OSCP1: variants seen among roughly 807,000 people sequenced by gnomAD.
The protein encoded by OSCP1 is protein OSCP1.
In OSCP1, 35 loss-of-function variants were observed where a neutral mutation model predicts 45.1. That is an observed-to-expected ratio of 0.78 (90% CI 0.59 to 1.03). The LOEUF (loss-of-function observed/expected upper bound fraction) is 1.03. Among genes scored for constraint, OSCP1 ranks in the 50% least tolerant of loss-of-function variants. The probability of loss-of-function intolerance (pLI) is 0.00; values close to 1 mark genes in which losing one functional copy is unlikely to be tolerated. For synonymous variants in OSCP1, 179 were observed against 180.1 expected, an observed-to-expected ratio of 0.99 and a Z score of 0.05; for missense variants, 400 against 470.7, an observed-to-expected ratio of 0.85 and a Z score of 1.39.
intron 4 of OSCP1, among the ~76,000 whole-genome samples, chr1:36,430,048 C>T (rs770395725): frequency 2.0e-5 from 3 of 152,146 alleles, no homozygotes; most frequent in East Asian, 1.9e-4. Flanking sequence ...CCACCCGCCT[C>T]GGCCTCCCAA....
At position 36,438,806 on chromosome 1, in the gene OSCP1, G is replaced by C; in HGVS notation, c.217C>G (p.Arg73Gly). The C allele has an allele frequency of 6.2e-7, 1 of 1,613,986 alleles. No homozygotes were observed. Among genetic ancestry groups the C allele is most frequent in the Non-Finnish European group, 8.5e-7 (1 of 1,179,950 alleles). ...SKKALRTVYE[R>G]LAHASIMKLN... ...TTCATAATGGAGGCATGAGCCAGGC[G>C]CTCATAGACAGTCCTCAGGGCCTTC... Residue 73 changes from arginine (R) to glycine (G), a missense_variant, in exon 2 of 10, where the codon CGC (arginine) becomes GGC (glycine). Transcript: ENST00000235532.
chr1:36,448,256 C>T (rs979672043), intron 1 of OSCP1, among the ~76,000 whole-genome samples: 1 of 152,186 alleles, frequency 6.6e-6, no homozygotes, highest in African/African-American at 2.4e-5. Context: ...CTAATTTACA[C>T]TATCTTCCAA....
At chr1:36,421,343 C>G (rs1412416460) in intron 7 of OSCP1, among the ~76,000 whole-genome samples, 1 of 152,184 alleles carries the variant, frequency 6.6e-6, no homozygotes. Context: ...CGGGAACACT[C>G]TTGCCCCTCT....
chr1:36,440,999 C>T (rs567200835), intron 1 of OSCP1: 2 of 152,252 alleles, frequency 1.3e-5, no homozygotes, highest in East Asian at 1.9e-4. Context: ...CAGTTCTGGA[C>T]GAAAGAATAC....
At chr1:36,445,633 G>T (rs1411294970) in intron 1 of OSCP1, among the ~76,000 whole-genome samples, 1 of 152,226 alleles carries the variant, frequency 6.6e-6, no homozygotes, top group African/African-American at 2.4e-5. Context: ...AAAATATTGG[G>T]AAAGCAGCAC....
chr1:36,444,150 T>G lies in OSCP1; in HGVS notation c.113-5240A>C, dbSNP rs1570549392. The G allele has an allele frequency of 6.0e-6, 7 of 1,168,348 alleles. 1 individual carries two copies. Among genetic ancestry groups the G allele is most frequent in the Non-Finnish European group, 8.9e-6 (7 of 790,366 alleles). The allele number at this position is 1,168,348 out of a possible 1,614,324, so 72.4% of individuals were successfully genotyped here. On this transcript the variant is annotated intron_variant, in intron 1 of 9. Transcript: ENST00000235532. ...ATCTATGAAACTTTACTTTTCACGT[T>G]GGCATTTAATGTCTAATGTGAGCAC...
At chr1:36,429,960 G>A (rs1429146671) in intron 4 of OSCP1, among the ~76,000 whole-genome samples, 1 of 151,868 alleles carries the variant, frequency 6.6e-6, no homozygotes, top group Non-Finnish European at 1.5e-5. Flanking sequence ...AAAGGCGCCT[G>A]GCTAATTTTT....
intron 1 of OSCP1, chr1:36,441,059 C>G (rs1020182005): frequency 4.6e-5 from 7 of 152,242 alleles, no homozygotes; most frequent in African/African-American, 1.7e-4. Flanking sequence ...AAAATGAAGT[C>G]TTTCCCCGTG....
At chr1:36,433,726 T>TA (rs1202521759) in intron 2 of OSCP1, among the ~76,000 whole-genome samples, 1 of 152,038 alleles carries the variant, frequency 6.6e-6, no homozygotes, top group East Asian at 1.9e-4. Context: ...TAGTAGAAGT[T>TA]AGGGGGTTAA....
chr1:36,431,798 T>G lies in OSCP1; in HGVS notation c.516+4A>C, dbSNP rs1380921160. On this transcript the variant is annotated splice_donor_region_variant and intron_variant, in intron 4 of 9. Coordinates refer to ENST00000235532, the MANE Select transcript of OSCP1 (RefSeq NM_145047.5). ...AGTGTTCCCAGGGCTGCCTATTGAC[T>G]TACTCGGATGTGCAGGTCTTGGAAG... 5 of 1,613,334 alleles carry G rather than the reference T, an allele frequency of 3.1e-6. No homozygotes were observed. The highest frequency in any genetic ancestry group is 4.2e-6 in the Non-Finnish European group (5 of 1,179,834).
At chr1:36,431,251 G>C (rs575491519) in intron 4 of OSCP1, among the ~76,000 whole-genome samples, 2 of 152,192 alleles carry the variant, frequency 1.3e-5, no homozygotes, top group South Asian at 4.1e-4. Flanking sequence ...CAGAGGAGTT[G>C]GTAGACAAAA....
chr1:36,445,169 G>A (rs149773675), intron 1 of OSCP1, among the ~76,000 whole-genome samples: 220 of 152,298 alleles, frequency 1.4e-3, no homozygotes, highest in African/African-American at 4.8e-3. Context: ...GGCCAACATG[G>A]TGAAACCTCA....
intron 1 of OSCP1, among the ~76,000 whole-genome samples, chr1:36,445,572 CTG>C (rs1383971958): frequency 6.6e-6 from 1 of 152,228 alleles, no homozygotes; most frequent in Non-Finnish European, 1.5e-5. Context: ...TCACACTCCT[CTG>C]GGAAAATTCA....
chr1:36,433,802 G>A (rs75894748), intron 2 of OSCP1, among the ~76,000 whole-genome samples: 15,561 of 152,218 alleles, frequency 0.1, 945 homozygotes, highest in East Asian at 0.29. Flanking sequence ...AGCTGTGACA[G>A]AAGGGAGAGA....
intron 2 of OSCP1, 65 bp downstream of exon 2, chr1:36,438,691 T>C: frequency 6.5e-7 from 1 of 1,536,444 alleles, no homozygotes; most frequent in Non-Finnish European, 8.8e-7. Flanking sequence ...GTGACCCCAG[T>C]CTATGATCAT....
chr1:36,430,595 C>A (rs1390783868), intron 4 of OSCP1, among the ~76,000 whole-genome samples: 1 of 151,950 alleles, frequency 6.6e-6, no homozygotes, highest in Non-Finnish European at 1.5e-5. Context: ...CATAGTAAGA[C>A]ACTGCCTCAA....
At chr1:36,428,051 G>A (rs902170742) in intron 4 of OSCP1, among the ~76,000 whole-genome samples, 1 of 152,006 alleles carries the variant, frequency 6.6e-6, no homozygotes, top group Non-Finnish European at 1.5e-5. Flanking sequence ...TTAGCTGGAT[G>A]TGGCGGTGTG....
chr1:36,439,838 GTC>G (rs1427242963), intron 1 of OSCP1, among the ~76,000 whole-genome samples: 4 of 152,176 alleles, frequency 2.6e-5, no homozygotes, highest in African/African-American at 9.7e-5. Context: ...AAACTAAAGT[GTC>G]TATAGTTTTA....
Position 36,432,660 on chromosome 1 carries a change from A to G in OSCP1, c.268-71T>C, listed in dbSNP as rs1648451390. 13 of 1,591,022 alleles carry G rather than the reference A, an allele frequency of 8.2e-6. No homozygotes were observed. In the South Asian group the frequency reaches 1.1e-4, roughly 14 times the overall value. On this transcript the variant is annotated intron_variant, in intron 2 of 9. Coordinates refer to ENST00000235532, the MANE Select transcript of OSCP1 (RefSeq NM_145047.5). ...CAGGTGTGAGAATCTCCAAACAGTG[A>G]TTCAGTCAAGCATTTACTGAAAACC...
Sources: allele counts gnomAD v4.1 joint callset (sites outside exome capture counted in the v4.1 genomes callset), GRCh38; gene constraint gnomAD v4.1.1; transcripts MANE v1.5; gene names NCBI Gene and HGNC (gene_info 2026-07-23, HGNC 2026-07-21).